PTPRK: variants seen among roughly 807,000 people sequenced by gnomAD.
The protein encoded by PTPRK is receptor-type tyrosine-protein phosphatase kappa.
PTPRK carries 75 observed loss-of-function variants against 178.0 expected under a neutral mutation model. The ratio of observed to expected loss-of-function variants is 0.42; its 90% CI spans 0.35 to 0.51. The LOEUF is 0.51. Ranked by LOEUF, PTPRK falls within the 20% of genes least tolerant of loss-of-function variation. PTPRK has a pLI of 0.02. For synonymous variants in PTPRK, 637 were observed against 620.6 expected (o/e 1.03, Z -0.39); for missense variants, 1,441 against 1,797.8 (o/e 0.80, Z 3.59).
rs113546022 is a variant in PTPRK, at chr6:128,377,747, C to A, written c.223+19819G>T. ...AAAAAAAACCCAGAATCAAAGTTTA[C>A]TAGATAAAGAAAATGTTCTTAACTA... is the stretch of plus-strand genomic sequence containing the variant. On this transcript the variant is annotated intron_variant, in intron 2 of 29. Transcript: ENST00000368226. 3.3e-3 allele frequency among the ~76,000 whole-genome samples: 490 copies of A among 150,540 alleles called. 4 individuals carry two copies. Among genetic ancestry groups the A allele is most frequent in the Non-Finnish European group, 3.7e-3 (248 of 67,602 alleles).
intron 13 of PTPRK, among the ~76,000 whole-genome samples, chr6:128,041,727 AATTATAT>A (rs1167392379): frequency 2.0e-5 from 3 of 151,720 alleles, no homozygotes; most frequent in Non-Finnish European, 4.4e-5. Context: ...AATATCAACA[AATTATAT>A]ATTATATATG....
intron 6 of PTPRK, among the ~76,000 whole-genome samples, chr6:128,186,976 T>A (rs780572481): frequency 1.4e-4 from 21 of 152,116 alleles, no homozygotes; most frequent in Admixed American, 9.2e-4. Context: ...ACTAACTAAT[T>A]TAAGTTGGAA....
intron 1 of PTPRK, among the ~76,000 whole-genome samples, chr6:128,421,452 TA>T (rs1301132250): frequency 3.9e-5 from 6 of 152,210 alleles, no homozygotes; most frequent in Admixed American, 6.5e-5. Flanking sequence ...GGAGTTTTTT[TA>T]AAAGTGTGTA....
At chr6:128,243,976 T>C (rs895224732) in intron 3 of PTPRK, among the ~76,000 whole-genome samples, 1 of 151,904 alleles carries the variant, frequency 6.6e-6, no homozygotes, top group Non-Finnish European at 1.5e-5. Context: ...AATGGTGAGA[T>C]GAGAAGAAAA....
In PTPRK at chr6:128,076,223, A is replaced by C. The variant is rs557026663; in HGVS notation, c.1883+2590T>G. Among the ~76,000 whole-genome samples the C allele has an allele frequency of 4.6e-5, 7 of 152,180 alleles. No homozygotes were observed. The South Asian group carries it at 1.4e-3, about 32-fold the overall frequency. On this transcript the variant is annotated intron_variant, in intron 11 of 29. Transcript: ENST00000368226. The stretch of plus-strand genomic sequence containing the variant: ...ATGGTAAGGAAAAATGATTACATTA[A>C]ATTGAATCTTCATTTTCAAAAAATT...
At chr6:128,182,345 G>C (rs1382281857) in intron 7 of PTPRK, among the ~76,000 whole-genome samples, 1 of 152,138 alleles carries the variant, frequency 6.6e-6, no homozygotes, top group Non-Finnish European at 1.5e-5. Context: ...GTAGGCCGAG[G>C]CGGGCAGATC....
At chr6:128,293,059 T>C (rs1297989670) in intron 3 of PTPRK, among the ~76,000 whole-genome samples, 1 of 152,082 alleles carries the variant, frequency 6.6e-6, no homozygotes, top group East Asian at 1.9e-4. Context: ...TTTTAGTTTT[T>C]TTCTTTATAA....
At chr6:128,133,188 T>C (rs1466569659) in intron 7 of PTPRK, among the ~76,000 whole-genome samples, 2 of 152,216 alleles carry the variant, frequency 1.3e-5, no homozygotes, top group African/African-American at 2.4e-5. Flanking sequence ...TTTTCTTGTG[T>C]GATACTATAT....
In PTPRK at chr6:128,450,144, A is replaced by G. The variant is rs77757379; in HGVS notation, c.101-52456T>C. ...CAAAAAAAAAAAAAGAAGGAAAAGA[A>G]AAGAAAAAGAACCATATAAGCAGAG... On this transcript the variant is annotated intron_variant, in intron 1 of 29. Transcript: ENST00000368226. 7.1e-4 allele frequency among the ~76,000 whole-genome samples: 108 copies of G among 152,068 alleles called. 1 individual carries two copies. The East Asian group carries it at 0.019, about 27-fold the overall frequency.
chr6:128,326,624 A>G (rs1829606210), intron 2 of PTPRK, among the ~76,000 whole-genome samples: 1 of 152,166 alleles, frequency 6.6e-6, no homozygotes, highest in African/African-American at 2.4e-5. Flanking sequence ...TGAAAAATAC[A>G]TATTTGTGTT....
chr6:128,123,243 C>G (rs1792770342), intron 7 of PTPRK, among the ~76,000 whole-genome samples: 1 of 152,040 alleles, frequency 6.6e-6, no homozygotes, highest in Admixed American at 6.6e-5. Context: ...GGAGCATTGT[C>G]CCTAGAAACT....
At chr6:128,350,101 T>G (rs1456964564) in intron 2 of PTPRK, among the ~76,000 whole-genome samples, 1 of 152,020 alleles carries the variant, frequency 6.6e-6, no homozygotes, top group Non-Finnish European at 1.5e-5. Context: ...GATACATGCA[T>G]TCACTTGATG....
intron 2 of PTPRK, among the ~76,000 whole-genome samples, chr6:128,379,279 C>G (rs1416636041): frequency 2.0e-5 from 3 of 152,076 alleles, no homozygotes; most frequent in Non-Finnish European, 2.9e-5. Flanking sequence ...CGAATAAATG[C>G]TATATGATGC....
At chr6:128,338,169 T>C (rs1290230205) in intron 2 of PTPRK, among the ~76,000 whole-genome samples, 1 of 152,114 alleles carries the variant, frequency 6.6e-6, no homozygotes, top group East Asian at 1.9e-4. Context: ...GTATAAAACA[T>C]ATGAGTGATA....
At chr6:128,450,346 G>A (rs1318976467) in intron 1 of PTPRK, among the ~76,000 whole-genome samples, 1 of 152,136 alleles carries the variant, frequency 6.6e-6, no homozygotes, top group Non-Finnish European at 1.5e-5. Context: ...CTTCTTCTCT[G>A]TAATAGCAAT....
intron 1 of PTPRK, among the ~76,000 whole-genome samples, chr6:128,487,854 G>A (rs1297321604): frequency 1.3e-5 from 2 of 152,128 alleles, no homozygotes; most frequent in Admixed American, 6.5e-5. Context: ...CTTATCACCA[G>A]TAAGAAAAGG....
At chr6:128,287,345 G>A (rs564191006) in intron 3 of PTPRK, among the ~76,000 whole-genome samples, 1 of 152,264 alleles carries the variant, frequency 6.6e-6, no homozygotes, top group Admixed American at 6.5e-5. Flanking sequence ...AACTGCAGTG[G>A]TTATCTTTCT....
intron 3 of PTPRK, among the ~76,000 whole-genome samples, chr6:128,278,323 A>AT (rs1363350509): frequency 2.9e-4 from 44 of 151,834 alleles, no homozygotes; most frequent in Non-Finnish European, 4.6e-4. Flanking sequence ...CGCCCAGGTA[A>AT]TTTTTTGTAT....
intron 7 of PTPRK, among the ~76,000 whole-genome samples, chr6:128,145,109 A>C (rs2114528337): frequency 6.6e-6 from 1 of 152,292 alleles, no homozygotes; most frequent in South Asian, 2.1e-4. Flanking sequence ...AATCAGAATA[A>C]GCTTTTAGAC....
Sources: allele counts gnomAD v4.1 joint callset (sites outside exome capture counted in the v4.1 genomes callset), GRCh38; gene constraint gnomAD v4.1.1; transcripts MANE v1.5; gene names NCBI Gene and HGNC (gene_info 2026-07-23, HGNC 2026-07-21).